CRYL1: variants seen among roughly 807,000 people sequenced by gnomAD.
CRYL1 encodes lambda-crystallin homolog.
A neutral mutation model predicts 36.6 loss-of-function variants in CRYL1; 29 were observed. The observed-to-expected ratio is 0.79, with a 90% confidence interval of 0.59 to 1.08. The LOEUF is 1.08. CRYL1 is among the 50% of genes least tolerant of loss of function. The probability of loss-of-function intolerance (pLI) is 0.00; values close to 1 mark genes in which losing one functional copy is unlikely to be tolerated. For missense variants in CRYL1, 411 were observed against 407.9 expected, an observed-to-expected ratio of 1.01 and a Z score of -0.06; for synonymous variants, 152 against 151.5, an observed-to-expected ratio of 1.00 and a Z score of -0.02.
Position 20,414,206 on chromosome 13 carries a change from TACAC to T in CRYL1, c.634-823_634-820del, listed in dbSNP as rs55719240. Among the ~76,000 whole-genome samples, 106,284 of 150,492 alleles carry T rather than the reference TACAC, an allele frequency of 0.71. 37,690 individuals carry two copies. The highest frequency in any genetic ancestry group is 0.75 in the South Asian group (3,566 of 4,728). On this transcript the variant is annotated intron_variant, in intron 5 of 7. Coordinates refer to ENST00000298248, the MANE Select transcript of CRYL1 (RefSeq NM_015974.3). ...AATAAATAAATAAAAATTAAAAAAA[TACAC>T]ACACACACACACACACACATATGTA... is the stretch of plus-strand genomic sequence containing the variant.
chr13:20,514,070 T>C (rs2033960635), intron 1 of CRYL1, among the ~76,000 whole-genome samples: 1 of 152,120 alleles, frequency 6.6e-6, no homozygotes, highest in African/African-American at 2.4e-5. Context: ...CTTGAATAAA[T>C]GAAGAAGAAG....
intron 2 of CRYL1, among the ~76,000 whole-genome samples, chr13:20,508,876 CA>C (rs869116656): frequency 4.8e-5 from 2 of 41,456 alleles, no homozygotes; most frequent in Admixed American, 4.2e-4. Context: ...AAAAAAAAAA[CA>C]AAAAAAAAAA....
intron 3 of CRYL1, among the ~76,000 whole-genome samples, chr13:20,471,121 G>A (rs557246080): frequency 9.5e-4 from 145 of 152,130 alleles, no homozygotes; most frequent in African/African-American, 3.1e-3. Flanking sequence ...ACTGCAGTAC[G>A]GGGGTGGTTG....
chr13:20,439,265 G>A (rs2032298583), intron 4 of CRYL1, among the ~76,000 whole-genome samples: 1 of 152,116 alleles, frequency 6.6e-6, no homozygotes, highest in African/African-American at 2.4e-5. Flanking sequence ...CAGCTACACA[G>A]TTACTTGGGG....
At chr13:20,438,253 C>T (rs906518126) in intron 4 of CRYL1, among the ~76,000 whole-genome samples, 4 of 152,138 alleles carry the variant, frequency 2.6e-5, no homozygotes, top group Non-Finnish European at 5.9e-5. Context: ...GAGTCTGTTA[C>T]CTCCACATTC....
rs55719240 is a variant in CRYL1 at position 20,414,206 on chromosome 13, TACACACAC to T, written c.634-827_634-820del. On this transcript the variant is annotated intron_variant, in intron 5 of 7. Coordinates refer to ENST00000298248, the MANE Select transcript of CRYL1 (RefSeq NM_015974.3). Reference sequence around the variant, plus strand: ...AATAAATAAATAAAAATTAAAAAAATACACACACACACACACACACACATATGTATACA... The same window carrying T: ...AATAAATAAATAAAAATTAAAAAAATACACACACACACACATATGTATACA... 2.3e-4 allele frequency among the ~76,000 whole-genome samples: 34 copies of T among 150,608 alleles called. No homozygotes were observed. The South Asian group carries it at 3.0e-3, about 13-fold the overall frequency.
chr13:20,410,146 A>G (rs1249554321), intron 6 of CRYL1, among the ~76,000 whole-genome samples: 1 of 150,738 alleles, frequency 6.6e-6, no homozygotes, highest in East Asian at 1.9e-4. Context: ...ATGTCCAACA[A>G]TGATAGACTG....
intron 4 of CRYL1, among the ~76,000 whole-genome samples, chr13:20,437,419 T>G (rs1035278567): frequency 6.6e-6 from 1 of 151,920 alleles, no homozygotes; most frequent in South Asian, 2.1e-4. Flanking sequence ...ACCATTCTCC[T>G]GCCTCAGCCT....
At chr13:20,517,895 C>A (rs187675342) in intron 1 of CRYL1, among the ~76,000 whole-genome samples, 190 of 145,742 alleles carry the variant, frequency 1.3e-3, no homozygotes, top group African/African-American at 4.6e-3. Context: ...GAGATCACAC[C>A]ACTGCACTCC....
intron 5 of CRYL1, among the ~76,000 whole-genome samples, chr13:20,429,714 G>A (rs2032013193): frequency 6.6e-6 from 1 of 152,154 alleles, no homozygotes; most frequent in South Asian, 2.1e-4. Context: ...GGATGCTCAG[G>A]TGTGCATGTC....
chr13:20,487,257 A>AC (rs1357239124), intron 3 of CRYL1, among the ~76,000 whole-genome samples: 2 of 152,102 alleles, frequency 1.3e-5, no homozygotes, highest in Admixed American at 6.6e-5. Flanking sequence ...AAAGAAAAAA[A>AC]AAAGCACAGC....
chr13:20,411,149 A>C (rs934216787), intron 6 of CRYL1, among the ~76,000 whole-genome samples: 3 of 152,224 alleles, frequency 2.0e-5, no homozygotes, highest in African/African-American at 7.2e-5. Flanking sequence ...CCCAACTCCA[A>C]TCTTGATATA....
intron 3 of CRYL1, among the ~76,000 whole-genome samples, chr13:20,477,869 TATG>T (rs980221809): frequency 4.7e-5 from 5 of 107,282 alleles, no homozygotes; most frequent in South Asian, 6.3e-4. Flanking sequence ...ATATATATTA[TATG>T]ATAATATATA....
At chr13:20,454,823 G>A (rs981187796) in intron 3 of CRYL1, among the ~76,000 whole-genome samples, 2 of 151,784 alleles carry the variant, frequency 1.3e-5, no homozygotes, top group Non-Finnish European at 2.9e-5. Context: ...CACACTTAAT[G>A]GTGAAAAATT....
intron 6 of CRYL1, among the ~76,000 whole-genome samples, chr13:20,408,886 G>A (rs956999974): frequency 6.6e-6 from 1 of 152,192 alleles, no homozygotes; most frequent in Non-Finnish European, 1.5e-5. Context: ...CATGCTCATG[G>A]GTAGGAAGAA....
chr13:20,508,433 T>C (rs923515785), intron 2 of CRYL1, among the ~76,000 whole-genome samples: 1 of 152,158 alleles, frequency 6.6e-6, no homozygotes, highest in Non-Finnish European at 1.5e-5. Context: ...TTAACATTCT[T>C]TACAATTATA....
At chr13:20,457,345 T>C (rs946039872) in intron 3 of CRYL1, among the ~76,000 whole-genome samples, 4 of 152,230 alleles carry the variant, frequency 2.6e-5, no homozygotes, top group African/African-American at 9.6e-5. Context: ...GTGTGGTTTC[T>C]GTCTCCTGGC....
chr13:20,513,278 C>A (rs1416414948), intron 1 of CRYL1, among the ~76,000 whole-genome samples: 6 of 152,106 alleles, frequency 3.9e-5, no homozygotes, highest in Admixed American at 3.3e-4. Flanking sequence ...CATGGAGACA[C>A]AAGACCCGTT....
At chr13:20,507,732 C>G (rs996928248) in intron 2 of CRYL1, among the ~76,000 whole-genome samples, 1 of 152,016 alleles carries the variant, frequency 6.6e-6, no homozygotes, top group South Asian at 2.1e-4. Context: ...TCCTGGCTAA[C>G]ACAGTGAAAC....
Sources: gnomAD v4.1 joint callset for allele counts (sites outside exome capture counted in the v4.1 genomes callset) on GRCh38, gnomAD v4.1.1 for gene constraint, MANE v1.5 for transcripts, NCBI Gene and HGNC (gene_info 2026-07-23, HGNC 2026-07-21) for gene names.